Variants in CPED1 observed in about 807,000 individuals in gnomAD.
CPED1 encodes the protein cadherin-like and PC-esterase domain-containing protein 1.
CPED1 carries 114 observed loss-of-function variants against 128.2 expected under a neutral mutation model. That is an observed-to-expected ratio of 0.89 (90% CI 0.76 to 1.04). The LOEUF (loss-of-function observed/expected upper bound fraction) is 1.04. Among genes scored for constraint, CPED1 ranks in the 50% least tolerant of loss-of-function variants. The pLI is 0.00. For missense variants in CPED1, 1,211 were observed against 1,207.1 expected, an observed-to-expected ratio of 1.00 and a Z score of -0.05; for synonymous variants, 462 against 426.7, an observed-to-expected ratio of 1.08 and a Z score of -1.02.
chr7:121,106,261 C>T lies in CPED1; in HGVS notation c.918+6167C>T, dbSNP rs143788006. Among the ~76,000 whole-genome samples the T allele has an allele frequency of 8.0e-3, 1,221 of 151,986 alleles. 20 individuals carry two copies. Among genetic ancestry groups the T allele is most frequent in the Admixed American group, 0.022 (338 of 15,238 alleles). On this transcript the variant is annotated intron_variant, in intron 7 of 22. Coordinates refer to ENST00000310396, the MANE Select transcript of CPED1 (RefSeq NM_024913.5). ...TTCCCTTCTGAACTAGGGTAATGAA[C>T]GCATAGACATATGCAAATATAATTA...
intron 5 of CPED1, among the ~76,000 whole-genome samples, chr7:121,066,911 G>T (rs1793842542): frequency 6.6e-6 from 1 of 152,114 alleles, no homozygotes; most frequent in Admixed American, 6.6e-5. Context: ...GTGGAATGAA[G>T]TGATATGCAG....
At position 121,017,622 on chromosome 7, in the gene CPED1, G is replaced by T. The variant is rs137912756; in HGVS notation, c.433+1774G>T. 6.5e-3 allele frequency among the ~76,000 whole-genome samples: 994 copies of T among 152,222 alleles called. 6 individuals are homozygous for T. Among genetic ancestry groups the T allele is most frequent in the Admixed American group, 0.011 (169 of 15,274 alleles). On this transcript the variant is annotated intron_variant, in intron 3 of 22. Coordinates refer to ENST00000310396, the MANE Select transcript of CPED1 (RefSeq NM_024913.5). Reference sequence around the variant, plus strand: ...AATTCCTATATTTCCCTGCCTTCTTGTTGCTGCTACTGACTTTCTATGGGC... The same window carrying T: ...AATTCCTATATTTCCCTGCCTTCTTTTTGCTGCTACTGACTTTCTATGGGC...
intron 18 of CPED1, among the ~76,000 whole-genome samples, chr7:121,250,537 G>A (rs1183312023): frequency 2.6e-5 from 4 of 152,070 alleles, no homozygotes; most frequent in African/African-American, 9.7e-5. Flanking sequence ...CCAGGAGCTG[G>A]TTTTTTGAAA....
intron 22 of CPED1, among the ~76,000 whole-genome samples, chr7:121,279,473 G>GA (rs1554361480): frequency 0.18 from 27,723 of 150,388 alleles, 2,760 homozygotes; most frequent in South Asian, 0.27. Context: ...AGAAAAAACA[G>GA]AATAACTCAT....
intron 16 of CPED1, among the ~76,000 whole-genome samples, chr7:121,206,909 A>C (rs1797530483): frequency 6.6e-6 from 1 of 152,024 alleles, no homozygotes; most frequent in African/African-American, 2.4e-5. Flanking sequence ...AGTTGAGGGC[A>C]TATTCTTCAA....
intron 3 of CPED1, among the ~76,000 whole-genome samples, chr7:121,032,753 G>T (rs961205722): frequency 6.6e-6 from 1 of 152,144 alleles, no homozygotes; most frequent in Non-Finnish European, 1.5e-5. Flanking sequence ...CTTCTTAGAG[G>T]TGTAGGAATG....
chr7:121,149,916 A>G (rs1796115001), intron 16 of CPED1, among the ~76,000 whole-genome samples: 1 of 152,064 alleles, frequency 6.6e-6, no homozygotes, highest in Admixed American at 6.6e-5. Flanking sequence ...AATTGCTCCA[A>G]AATTTTATCT....
In CPED1 at chr7:121,219,889, A is replaced by T. The variant is rs1045668637; in HGVS notation, c.2056-16825A>T. 5.9e-5 allele frequency among the ~76,000 whole-genome samples: 9 copies of T among 152,062 alleles called. No homozygotes were observed. In the East Asian group the frequency reaches 1.7e-3, roughly 29 times the overall value. On this transcript the variant is annotated intron_variant, in intron 16 of 22. Transcript: ENST00000310396. The stretch of plus-strand genomic sequence containing the variant: ...ATTTTTAAAGCCATATTTTTAGGAA[A>T]ATTTTCTGCACAAAAAATAGAATAA...
intron 16 of CPED1, among the ~76,000 whole-genome samples, chr7:121,203,206 C>T (rs1563064202): frequency 4.6e-5 from 7 of 152,050 alleles, no homozygotes. Context: ...ATCTCCAAAT[C>T]CTTCTATACC....
intron 16 of CPED1, among the ~76,000 whole-genome samples, chr7:121,196,440 C>T (rs1797274943): frequency 6.6e-6 from 1 of 152,078 alleles, no homozygotes; most frequent in African/African-American, 2.4e-5. Flanking sequence ...ACCCATAAAA[C>T]TCTCTTCTCT....
chr7:121,027,914 CAG>C (rs1442003749), intron 3 of CPED1, among the ~76,000 whole-genome samples: 2 of 152,034 alleles, frequency 1.3e-5, no homozygotes, highest in African/African-American at 4.8e-5. Context: ...ACCTCCTTAT[CAG>C]AGTCACTAAA....
At chr7:121,230,613 T>G (rs1798113274) in intron 16 of CPED1, among the ~76,000 whole-genome samples, 1 of 151,952 alleles carries the variant, frequency 6.6e-6, no homozygotes, top group African/African-American at 2.4e-5. Flanking sequence ...CTCCACAAAG[T>G]TTTTGGCCTT....
At chr7:121,180,152 C>T (rs1387755070) in intron 16 of CPED1, among the ~76,000 whole-genome samples, 2 of 151,952 alleles carry the variant, frequency 1.3e-5, no homozygotes, top group Non-Finnish European at 2.9e-5. Flanking sequence ...AGCTTTCTTC[C>T]TGACAAATTC....
At chr7:121,208,592 T>G (rs1053101774) in intron 16 of CPED1, among the ~76,000 whole-genome samples, 1 of 151,984 alleles carries the variant, frequency 6.6e-6, no homozygotes, top group Non-Finnish European at 1.5e-5. Flanking sequence ...TGGTGAATGG[T>G]AGAGTTAACA....
At chr7:121,137,718 C>T (rs567144617) in intron 14 of CPED1, among the ~76,000 whole-genome samples, 2 of 152,180 alleles carry the variant, frequency 1.3e-5, no homozygotes, top group African/African-American at 2.4e-5. Context: ...CCTGCACTCA[C>T]CATCCAATCT....
chr7:120,993,529 T>A (rs1796343604), intron 2 of CPED1, among the ~76,000 whole-genome samples: 1 of 152,240 alleles, frequency 6.6e-6, no homozygotes, highest in African/African-American at 2.4e-5. Flanking sequence ...TAAGTGGATG[T>A]TCTCATTGAA....
intron 22 of CPED1, among the ~76,000 whole-genome samples, chr7:121,273,293 C>T (rs1562858910): frequency 1.3e-5 from 2 of 152,014 alleles, no homozygotes; most frequent in African/African-American, 4.8e-5. Context: ...GAGGCTGAGG[C>T]GGGTGGATCA....
intron 14 of CPED1, 31 bp downstream of exon 14, chr7:121,136,121 T>C: frequency 2.6e-6 from 4 of 1,537,098 alleles, no homozygotes; most frequent in Non-Finnish European, 3.5e-6. Flanking sequence ...TGTAGCAGCA[T>C]AATAAACAAT....
intron 16 of CPED1, among the ~76,000 whole-genome samples, chr7:121,226,018 G>A (rs373279600): frequency 6.6e-5 from 10 of 151,984 alleles, no homozygotes; most frequent in East Asian, 3.9e-4. Flanking sequence ...GCTTTGTTCC[G>A]TTGCTGACGA....
Sources: gnomAD v4.1 joint callset for allele counts (sites outside exome capture counted in the v4.1 genomes callset) on GRCh38, gnomAD v4.1.1 for gene constraint, MANE v1.5 for transcripts, NCBI Gene and HGNC (gene_info 2026-07-23, HGNC 2026-07-21) for gene names.